Variants in NRAP observed in about 807,000 individuals in gnomAD.
NRAP encodes nebulin related anchoring protein, also known as nebulin-related-anchoring protein.
NRAP carries 189 observed loss-of-function variants against 225.9 expected under a neutral mutation model. That is an observed-to-expected ratio of 0.84 (90% CI 0.74 to 0.94). The LOEUF (loss-of-function observed/expected upper bound fraction) is 0.94. NRAP is among the 40% of genes least tolerant of loss of function. The pLI, the probability that NRAP is intolerant of heterozygous loss-of-function variation, is 0.00. For synonymous variants in NRAP, 769 were observed against 790.7 expected (o/e 0.97, Z 0.46); for missense variants, 2,176 against 2,168.7 (o/e 1.00, Z -0.07).
intron 8 of NRAP, 135 bp downstream of exon 8, chr10:113,650,303 T>C: frequency 1.3e-6 from 1 of 794,244 alleles, no homozygotes; most frequent in Non-Finnish European, 2.1e-6. Flanking sequence ...TTGGTAAAAT[T>C]GACTTAAAAC....
intron 41 of NRAP, 126 bp downstream of exon 41, chr10:113,589,540 G>T: frequency 8.6e-7 from 1 of 1,165,616 alleles, no homozygotes; most frequent in Non-Finnish European, 1.2e-6. Flanking sequence ...CCTTGTTTGA[G>T]CTGCGTTTCA....
chr10:113,628,419 A>G (rs1445636231), intron 20 of NRAP, among the ~76,000 whole-genome samples: 1 of 152,014 alleles, frequency 6.6e-6, no homozygotes, highest in African/African-American at 2.4e-5. Context: ...CGATCTCCTG[A>G]CCTCGTGATC....
Position 113,589,034 on chromosome 10 carries a change from C to T in NRAP, c.5134G>A (p.Val1712Met), listed in dbSNP as rs1170525616. 1.2e-6 allele frequency: 2 copies of T among 1,613,922 alleles called. No individual in the cohort carries two copies. Among genetic ancestry groups the T allele is most frequent in the Non-Finnish European group, 1.7e-6 (2 of 1,180,014 alleles). ...AGAATCTCAGTGGCATCTGGGTTCA[C>T]CTCCCCACTCTGATGATCTCCAGCC... is the stretch of plus-strand genomic sequence containing the variant. ...VEAGDHQSGE[V>M]NPDATEILHV... The change falls in exon 42 of 42, where the codon GTG becomes ATG. Residue 1712 changes from valine to methionine, a missense_variant. Transcript: ENST00000359988.
At position 113,589,871 on chromosome 10, in the gene NRAP, T is replaced by C; in HGVS notation, c.4957-74A>G. ...CGGTTTGACCATTAAGTAAAGAAGA[T>C]TAAAAAGGCAGCCACAGTATGAGAC... On this transcript the variant is annotated intron_variant, in intron 40 of 41. Coordinates refer to ENST00000359988, the MANE Select transcript of NRAP (RefSeq NM_198060.4). The C allele has an allele frequency of 2.0e-6, 3 of 1,526,466 alleles. No homozygotes were observed. The South Asian group carries it at 3.7e-5, about 19-fold the overall frequency. The allele number at this position is 1,526,466 out of a possible 1,614,324, so 94.6% of individuals were successfully genotyped here. A position where few individuals can be genotyped will look rare whatever the true frequency, so the allele number is the denominator to read the frequency against.
intron 18 of NRAP, among the ~76,000 whole-genome samples, chr10:113,630,976 T>C (rs186850863): frequency 6.6e-6 from 1 of 152,300 alleles, no homozygotes; most frequent in East Asian, 1.9e-4. Flanking sequence ...CCAAAGCCTC[T>C]TGGTAAATGA....
In NRAP at chr10:113,617,502, T is replaced by C; in HGVS notation, c.2926A>G (p.Thr976Ala). The C allele has an allele frequency of 1.2e-6, 2 of 1,610,876 alleles. No homozygotes were observed. Among genetic ancestry groups the C allele is most frequent in the Non-Finnish European group, 1.7e-6 (2 of 1,177,218 alleles). ...ATTCTGGCCTGGACCATCTCCGGAG[T>C]GTCTTTAATACTGGTAAACTTCAAA... is the stretch of plus-strand genomic sequence containing the variant. ...DALKFTSIKD[T>A]PEMVQARISY... The change falls in exon 26 of 42, where the codon ACT (threonine) becomes GCT (alanine). Residue 976 changes from threonine (T) to alanine (A), a missense_variant. Thr to Ala is a moderately conservative substitution (Grantham distance 58). This residue lies in a region of NRAP where 1,708 missense variants were observed against 1,695.5 expected (regional missense o/e 1.01). Coordinates refer to ENST00000359988, the MANE Select transcript of NRAP (RefSeq NM_198060.4).
chr10:113,597,935 C>T lies in NRAP; in HGVS notation c.4332+34G>A, dbSNP rs182331109. ...CTTCAAAAGGAAATGCTAGCTTGCC[C>T]TTGTCACTTGTGGTGGGGACAGGTT... On this transcript the variant is annotated intron_variant, in intron 36 of 41. Coordinates refer to ENST00000359988, the MANE Select transcript of NRAP (RefSeq NM_198060.4). 4.2e-6 allele frequency: 6 copies of T among 1,423,116 alleles called. No individual in the cohort carries two copies. The African/African-American group carries it at 7.0e-5, about 17-fold the overall frequency. The allele number at this position is 1,423,116 out of a possible 1,614,324, so 88.2% of individuals were successfully genotyped here.
chr10:113,617,087 A>G (rs1564720261), intron 26 of NRAP, among the ~76,000 whole-genome samples: 1 of 152,222 alleles, frequency 6.6e-6, no homozygotes, highest in East Asian at 1.9e-4. Flanking sequence ...AAAGAGCTCT[A>G]AGCACAGCGT....
chr10:113,659,839 T>C (rs1004199502), intron 3 of NRAP, among the ~76,000 whole-genome samples: 1 of 152,222 alleles, frequency 6.6e-6, no homozygotes, highest in Non-Finnish European at 1.5e-5. Flanking sequence ...TCACCATCAC[T>C]GAAAAATCTC....
At chr10:113,661,128 C>G (rs1233986329) in intron 3 of NRAP, among the ~76,000 whole-genome samples, 2 of 152,022 alleles carry the variant, frequency 1.3e-5, no homozygotes. Context: ...TCTCAGTAAC[C>G]TAGGATTACT....
rs781210936 is a variant in NRAP, at chr10:113,615,715, A to G, written c.3075T>C (p.Ser1025=). The part of the protein sequence containing the change: ...LLAKLNAMNI[S]ETRYKESWSK... ...GTGCCCCTTGGGTCAGCCTCACCTCACTGATATTCATGGCATTCAGCTTGG... is the reference window on the plus strand; with the variant it reads ...GTGCCCCTTGGGTCAGCCTCACCTCGCTGATATTCATGGCATTCAGCTTGG... Residue 1025 remains serine, a synonymous_variant, in exon 27 of 42, where the codon AGT becomes AGC. Transcript: ENST00000359988. 8.3e-5 allele frequency: 132 copies of G among 1,589,106 alleles called. No individual in the cohort carries two copies. The highest frequency in any genetic ancestry group is 1.0e-4 in the Non-Finnish European group (121 of 1,157,474).
chr10:113,595,860 T>C (rs111558825), intron 37 of NRAP, 133 bp from the exon 38 acceptor site: 6 of 551,010 alleles, frequency 1.1e-5, no homozygotes, highest in African/African-American at 7.7e-5. Context: ...GTCCTGCCCA[T>C]GGACAGTGTC....
intron 16 of NRAP, 130 bp from the exon 17 acceptor site, chr10:113,632,094 T>C: frequency 1.5e-6 from 1 of 659,638 alleles, no homozygotes; most frequent in Middle Eastern, 2.5e-4. Flanking sequence ...GTTATCAAAA[T>C]GATAACAGTA....
rs1020159732 is a variant in NRAP, at chr10:113,626,165, A to T, written c.2146-20T>A. 2 of 1,558,414 alleles carry T rather than the reference A, an allele frequency of 1.3e-6. No homozygotes were observed. The highest frequency in any genetic ancestry group is 2.7e-5 in the African/African-American group (2 of 73,518). On this transcript the variant is annotated intron_variant, in intron 20 of 41. Transcript: ENST00000359988. ...GTTTTTCTGTTTCCAAAGGAAAGGG[A>T]CCCCACAGCATTAGGATTGGGTTGC...
intron 40 of NRAP, 23 bp downstream of exon 40, chr10:113,590,555 G>A: frequency 6.2e-7 from 1 of 1,600,174 alleles, no homozygotes; most frequent in Non-Finnish European, 8.5e-7. Flanking sequence ...AGGGCCTCAA[G>A]GGAGTGGGTG....
At chr10:113,663,616 CTT>C (rs11349376) in intron 1 of NRAP, among the ~76,000 whole-genome samples, 170 bp from the exon 2 acceptor site, 9 of 150,078 alleles carry the variant, frequency 6.0e-5, no homozygotes, top group Admixed American at 1.3e-4. Flanking sequence ...AAATGGATAA[CTT>C]TTTTTTTTTG....
chr10:113,643,475 A>C (rs997404525), intron 11 of NRAP, among the ~76,000 whole-genome samples: 1 of 152,226 alleles, frequency 6.6e-6, no homozygotes, highest in Non-Finnish European at 1.5e-5. Context: ...AATCCTTCCC[A>C]CTATACATTT....
chr10:113,638,557 C>T (rs931617943), intron 14 of NRAP, among the ~76,000 whole-genome samples: 1 of 152,140 alleles, frequency 6.6e-6, no homozygotes, highest in African/African-American at 2.4e-5. Flanking sequence ...GGGTGATAAA[C>T]TCAAATTCAC....
rs369333835 is a variant in NRAP at position 113,647,003 on chromosome 10, G to T, written c.913C>A (p.His305Asn). 1.2e-6 allele frequency: 2 copies of T among 1,613,740 alleles called. No homozygotes were observed. Among genetic ancestry groups the T allele is most frequent in the African/African-American group, 2.7e-5 (2 of 74,874 alleles). Reference sequence around the variant, plus strand: ...GCTGGGAAGCTGCCCTTTCCCCTGTGCTCCTCATACTCCTCCGGGTAACCC... The same window carrying T: ...GCTGGGAAGCTGCCCTTTCCCCTGTTCTCCTCATACTCCTCCGGGTAACCC... ...GQGYPEEYEEHRGKGSFPAMI... is the reference protein window; with the variant it reads ...GQGYPEEYEENRGKGSFPAMI... The change falls in exon 10 of 42, where the codon CAC (histidine) becomes AAC (asparagine). Residue 305 changes from histidine to asparagine, a missense_variant. By Grantham distance (68) the His-to-Asn change is moderately conservative. Coordinates refer to ENST00000359988, the MANE Select transcript of NRAP (RefSeq NM_198060.4).
Sources: allele counts gnomAD v4.1 joint callset (sites outside exome capture counted in the v4.1 genomes callset), GRCh38; gene constraint gnomAD v4.1.1; regional missense constraint gnomAD v4.1.1; transcripts MANE v1.5; gene names NCBI Gene and HGNC (gene_info 2026-07-23, HGNC 2026-07-21).